Variants in UNC13C observed in about 807,000 individuals in gnomAD.
UNC13C encodes the protein protein unc-13 homolog C.
UNC13C carries 174 observed loss-of-function variants against 245.4 expected under a neutral mutation model. The observed-to-expected ratio is 0.71, with a 90% confidence interval of 0.63 to 0.80. The LOEUF (loss-of-function observed/expected upper bound fraction) is 0.80. Among genes scored for constraint, UNC13C ranks in the 30% least tolerant of loss-of-function variants. UNC13C has a pLI of 0.00. For synonymous variants in UNC13C, 992 were observed against 895.1 expected (o/e 1.11, Z -1.93); for missense variants, 2,829 against 2,602.9 (o/e 1.09, Z -1.89).
chr15:54,144,331 GTT>G (rs35843960), intron 4 of UNC13C, among the ~76,000 whole-genome samples: 112 of 148,650 alleles, frequency 7.5e-4, no homozygotes, highest in African/African-American at 2.0e-3. Context: ...TTGCATCGTG[GTT>G]TTTTTTTTTG....
At chr15:54,254,958 T>C (rs1294472352) in intron 8 of UNC13C, among the ~76,000 whole-genome samples, 2 of 152,088 alleles carry the variant, frequency 1.3e-5, no homozygotes, top group African/African-American at 4.8e-5. Context: ...CGCCAATAAA[T>C]CCTCAATGCT....
rs1159477941 is a variant in UNC13C at position 54,338,372 on chromosome 15, G to A, written c.4596G>A (p.Leu1532=). The A allele has an allele frequency of 5.0e-6, 8 of 1,611,760 alleles. No individual in the cohort carries two copies. The highest frequency in any genetic ancestry group is 6.8e-6 in the Non-Finnish European group (8 of 1,178,628). ...TCTGTCTTTGTCAGGTTCTGGAGCT[G>A]CAAAGCCCCCCAAAAGCGAGCATGG... The part of the protein sequence containing the change: ...ITFFRMKVLE[L]QSPPKASMVV... The change falls in exon 17 of 33, where the codon CTG becomes CTA. Residue 1532 remains leucine (L), a synonymous_variant. Coordinates refer to ENST00000260323, the MANE Select transcript of UNC13C (RefSeq NM_001080534.3).
In UNC13C at chr15:54,312,670, G is replaced by C. The variant is rs77239862; in HGVS notation, c.4269-9269G>C. On this transcript the variant is annotated intron_variant, in intron 13 of 32. Transcript: ENST00000260323. ...TTTTATGCTCTTTAATGGATATAGA[G>C]TGAGAAGGTGTGGGAAAGGAGAAAC... Among the ~76,000 whole-genome samples, 425 of 151,860 alleles carry C rather than the reference G, an allele frequency of 2.8e-3. No homozygotes were observed. The East Asian group carries it at 0.037, about 13-fold the overall frequency.
chr15:54,038,124 A>ATATATATATTTTTTTTTT, intron 2 of UNC13C, among the ~76,000 whole-genome samples: 2 of 45,034 alleles, frequency 4.4e-5, no homozygotes, highest in East Asian at 1.1e-3. Flanking sequence ...ATATATATAT[A>ATATATATATTTTTTTTTT]TTTTTTTTTT....
the UNC13C span, among the ~76,000 whole-genome samples, chr15:53,852,221 G>C: frequency 6.6e-6 from 1 of 152,130 alleles, no homozygotes; most frequent in East Asian, 1.9e-4. Context: ...CTTGGTGTGT[G>C]GGGTAAACCC....
chr15:54,596,244 G>C (rs940583077), intron 30 of UNC13C, among the ~76,000 whole-genome samples: 1 of 151,996 alleles, frequency 6.6e-6, no homozygotes, highest in Non-Finnish European at 1.5e-5. Context: ...CCCAACTGTG[G>C]GTGTTTTTTC....
At chr15:53,853,734 C>G in the UNC13C span, among the ~76,000 whole-genome samples, 1 of 152,186 alleles carries the variant, frequency 6.6e-6, no homozygotes, top group East Asian at 1.9e-4. Flanking sequence ...TTATATTTCT[C>G]TAATTGTCAG....
chr15:53,847,795 C>A, the UNC13C span, among the ~76,000 whole-genome samples: 1 of 152,080 alleles, frequency 6.6e-6, no homozygotes, highest in Non-Finnish European at 1.5e-5. Flanking sequence ...GTTAAACATG[C>A]ACCATTGTGA....
chr15:54,149,319 T>G (rs978819831), intron 4 of UNC13C, among the ~76,000 whole-genome samples: 10 of 152,200 alleles, frequency 6.6e-5, no homozygotes, highest in Non-Finnish European at 1.0e-4. Context: ...TAGTTATTTT[T>G]AGGGAACAGT....
chr15:54,567,984 G>T, intron 30 of UNC13C, 37 bp downstream of exon 30: 1 of 1,383,736 alleles, frequency 7.2e-7, no homozygotes, highest in Non-Finnish European at 9.5e-7. Flanking sequence ...AAGGTAAACT[G>T]AATACTAAAA....
At chr15:54,586,496 A>G (rs1898499256) in intron 30 of UNC13C, among the ~76,000 whole-genome samples, 1 of 152,154 alleles carries the variant, frequency 6.6e-6, no homozygotes, top group African/African-American at 2.4e-5. Flanking sequence ...TCCTCTTAAA[A>G]GGACACCAGT....
chr15:54,317,151 A>C (rs912174403), intron 13 of UNC13C, among the ~76,000 whole-genome samples: 1 of 151,968 alleles, frequency 6.6e-6, no homozygotes, highest in Admixed American at 6.6e-5. Flanking sequence ...TATTATAATT[A>C]CTATTTGACT....
Position 54,015,770 on chromosome 15 carries a change from C to A in UNC13C, c.2867C>A (p.Pro956His). ...AGAGAAGATGAAAACCAAAACATTC[C>A]TGAACAGCCAGTGGAGATCACAAAG... ...EIREDENQNI[P>H]EQPVEITKPK... Residue 956 changes from proline to histidine, a missense_variant, in exon 2 of 33, where the codon CCT (proline) becomes CAT (histidine). Coordinates refer to ENST00000260323, the MANE Select transcript of UNC13C (RefSeq NM_001080534.3). The A allele has an allele frequency of 1.2e-6, 2 of 1,612,674 alleles. No homozygotes were observed. The highest frequency in any genetic ancestry group is 1.7e-6 in the Non-Finnish European group (2 of 1,179,250).
At chr15:54,592,287 C>A (rs751599913) in intron 30 of UNC13C, among the ~76,000 whole-genome samples, 4 of 152,086 alleles carry the variant, frequency 2.6e-5, no homozygotes, top group Non-Finnish European at 5.9e-5. Context: ...TGGATGAAAT[C>A]TTCTGTATGT....
chr15:54,187,954 C>T (rs144606474), intron 4 of UNC13C, among the ~76,000 whole-genome samples: 2 of 151,986 alleles, frequency 1.3e-5, no homozygotes, highest in Non-Finnish European at 2.9e-5. Flanking sequence ...GGATTGCAGG[C>T]GCCCACCACC....
At chr15:53,840,677 C>T in the UNC13C span, among the ~76,000 whole-genome samples, 5 of 152,230 alleles carry the variant, frequency 3.3e-5, no homozygotes, top group East Asian at 9.7e-4. Context: ...CTATTAGCAT[C>T]ATGTGTCCCA....
intron 4 of UNC13C, among the ~76,000 whole-genome samples, chr15:54,193,557 GGT>G (rs1293131389): frequency 2.6e-5 from 4 of 151,894 alleles, no homozygotes; most frequent in African/African-American, 7.3e-5. Context: ...TGTTCCCTCT[GGT>G]CCCACCTACC....
chr15:54,142,875 C>G, intron 2 of UNC13C, 143 bp from the exon 3 acceptor site: 1 of 694,778 alleles, frequency 1.4e-6, no homozygotes, highest in East Asian at 2.6e-5. Context: ...TCCTTGTACC[C>G]TTGGGCTCAA....
At chr15:54,363,506 G>A (rs1329617738) in intron 17 of UNC13C, among the ~76,000 whole-genome samples, 1 of 152,192 alleles carries the variant, frequency 6.6e-6, no homozygotes, top group Non-Finnish European at 1.5e-5. Context: ...CCTTTTACTG[G>A]TGACAAATCA....
Sources: allele counts gnomAD v4.1 joint callset (sites outside exome capture counted in the v4.1 genomes callset), GRCh38; gene constraint gnomAD v4.1.1; transcripts MANE v1.5; gene names NCBI Gene and HGNC (gene_info 2026-07-23, HGNC 2026-07-21).